JARID2: variants seen among roughly 807,000 people sequenced by gnomAD.
JARID2 encodes the protein jumonji and AT-rich interaction domain containing 2.
Under a neutral mutation model 125.6 loss-of-function variants are expected in JARID2, and 21 were observed. That is an observed-to-expected ratio of 0.17 (90% CI 0.12 to 0.24). JARID2 has a LOEUF of 0.24. JARID2 is among the 10% of genes least tolerant of loss of function. The pLI is 1.00. For synonymous variants in JARID2, 736 were observed against 661.6 expected, an observed-to-expected ratio of 1.11 and a Z score of -1.73; for missense variants, 1,303 against 1,639.6, an observed-to-expected ratio of 0.79 and a Z score of 3.55.
At chr6:15,339,592 A>G (rs189413568) in intron 1 of JARID2, among the ~76,000 whole-genome samples, 27 of 146,830 alleles carry the variant, frequency 1.8e-4, no homozygotes, top group East Asian at 1.7e-3. Flanking sequence ...CCGGAGTGCA[A>G]TGGTGCGATC....
intron 2 of JARID2, among the ~76,000 whole-genome samples, chr6:15,404,919 G>T (rs1314839826): frequency 6.6e-6 from 1 of 152,124 alleles, no homozygotes; most frequent in East Asian, 1.9e-4. Flanking sequence ...AATGAGAGAG[G>T]ACTGGTAAAA....
At chr6:15,262,494 T>A (rs926724383) in intron 1 of JARID2, among the ~76,000 whole-genome samples, 4 of 151,990 alleles carry the variant, frequency 2.6e-5, no homozygotes, top group African/African-American at 9.7e-5. Context: ...TATCCAGTCA[T>A]CAGCTGATGG....
chr6:15,320,508 T>A (rs913946700), intron 1 of JARID2, among the ~76,000 whole-genome samples: 1 of 152,192 alleles, frequency 6.6e-6, no homozygotes, highest in African/African-American at 2.4e-5. Context: ...TGATGACTGT[T>A]AATTATCAAA....
intron 6 of JARID2, among the ~76,000 whole-genome samples, chr6:15,494,590 A>G (rs1224451733): frequency 6.6e-6 from 1 of 151,634 alleles, no homozygotes; most frequent in Non-Finnish European, 1.5e-5. Context: ...TTGTATTTTT[A>G]GTAGAGACGG....
chr6:15,315,096 G>A (rs182699994), intron 1 of JARID2: 235 of 152,216 alleles, frequency 1.5e-3, no homozygotes, highest in African/African-American at 5.5e-3. Flanking sequence ...TTACCAATAT[G>A]TTTTGAATAG....
intron 1 of JARID2, among the ~76,000 whole-genome samples, chr6:15,339,473 G>T: frequency 6.6e-6 from 1 of 152,054 alleles, no homozygotes; most frequent in South Asian, 2.1e-4. Context: ...GGTATTCCCA[G>T]GGTGCACCTC....
intron 2 of JARID2, among the ~76,000 whole-genome samples, chr6:15,406,931 G>A (rs1424848902): frequency 6.6e-6 from 1 of 151,956 alleles, no homozygotes; most frequent in Non-Finnish European, 1.5e-5. Flanking sequence ...CATTTTGCAG[G>A]CAAGTGTCTT....
chr6:15,426,141 G>A (rs1766716231), intron 3 of JARID2, among the ~76,000 whole-genome samples: 1 of 152,138 alleles, frequency 6.6e-6, no homozygotes, highest in Non-Finnish European at 1.5e-5. Flanking sequence ...GGAGGGGACA[G>A]CAGCTACTTG....
chr6:15,412,112 T>C (rs1765904248), intron 3 of JARID2, among the ~76,000 whole-genome samples: 1 of 152,338 alleles, frequency 6.6e-6, no homozygotes, highest in South Asian at 2.1e-4. Context: ...TTTTTAATTA[T>C]TAATGTGTCA....
intron 1 of JARID2, among the ~76,000 whole-genome samples, chr6:15,309,902 A>G (rs1158441158): frequency 6.6e-6 from 1 of 152,150 alleles, no homozygotes; most frequent in Non-Finnish European, 1.5e-5. Flanking sequence ...TGCTCAGGAG[A>G]TAAGGCTTAT....
At position 15,463,833 on chromosome 6, in the gene JARID2, T is replaced by C. The variant is rs546302094; in HGVS notation, c.494-4709T>C. 4.6e-5 allele frequency among the ~76,000 whole-genome samples: 7 copies of C among 152,312 alleles called. No homozygotes were observed. In the East Asian group the frequency reaches 1.3e-3, roughly 29 times the overall value. ...TTCACCCATTTCATACTGAGAAATA[T>C]GCAATAGTTTTCTCCAGTGATAAAC... On this transcript the variant is annotated intron_variant, in intron 4 of 17. Coordinates refer to ENST00000341776, the MANE Select transcript of JARID2 (RefSeq NM_004973.4).
rs1581568357 is a variant in JARID2 at position 15,440,722 on chromosome 6, C to G, written c.324-11284C>G. 2.6e-5 allele frequency among the ~76,000 whole-genome samples: 4 copies of G among 152,224 alleles called. 1 individual carries two copies. The highest frequency in any genetic ancestry group is 2.6e-4 in the Admixed American group (4 of 15,284). Reference sequence around the variant, plus strand: ...CTCAGACACTGTGTCTGTAATAGCTCCGGTTTTTAAGTGGGAGAATGTGCC... The same window carrying G: ...CTCAGACACTGTGTCTGTAATAGCTGCGGTTTTTAAGTGGGAGAATGTGCC... On this transcript the variant is annotated intron_variant, in intron 3 of 17. Coordinates refer to ENST00000341776, the MANE Select transcript of JARID2 (RefSeq NM_004973.4).
At chr6:15,277,772 A>G (rs1760587230) in intron 1 of JARID2, among the ~76,000 whole-genome samples, 2 of 130,918 alleles carry the variant, frequency 1.5e-5, no homozygotes, top group South Asian at 2.9e-4. Context: ...TAGATAGCCA[A>G]GTCTGCAAAA....
intron 2 of JARID2, among the ~76,000 whole-genome samples, chr6:15,379,014 C>T (rs1425508301): frequency 6.6e-6 from 1 of 152,138 alleles, no homozygotes; most frequent in East Asian, 1.9e-4. Flanking sequence ...CAGCTTGTAT[C>T]TGAGCAGTGA....
At chr6:15,439,031 C>CAAA (rs754404770) in intron 3 of JARID2, among the ~76,000 whole-genome samples, 1,342 of 85,714 alleles carry the variant, frequency 0.016, 22 homozygotes, top group African/African-American at 0.035. Flanking sequence ...GACTCTGTCT[C>CAAA]AAAAAAAAAA....
intron 3 of JARID2, among the ~76,000 whole-genome samples, chr6:15,443,591 C>T (rs1767537508): frequency 6.6e-6 from 1 of 152,146 alleles, no homozygotes; most frequent in Non-Finnish European, 1.5e-5. Context: ...TTTAGCAATA[C>T]TGACAGTTTG....
At position 15,336,110 on chromosome 6, in the gene JARID2, TG is replaced by T. The variant is rs202154647; in HGVS notation, c.46-38006del. On this transcript the variant is annotated intron_variant, in intron 1 of 17. Coordinates refer to ENST00000341776, the MANE Select transcript of JARID2 (RefSeq NM_004973.4). ...GTGAATGAATGAATGAATGAATGAA[TG>T]AATGAATAAATAAATAAATAAAGGC... Among the ~76,000 whole-genome samples the T allele has an allele frequency of 2.0e-3, 304 of 151,958 alleles. 1 individual carries two copies. Among genetic ancestry groups the T allele is most frequent in the Admixed American group, 4.6e-3 (70 of 15,252 alleles).
rs1036363063 is a variant in JARID2 at position 15,507,009 on chromosome 6, C to T, written c.2542-127C>T. The T allele has an allele frequency of 4.8e-5, 32 of 669,086 alleles. No homozygotes were observed. The African/African-American group carries it at 5.4e-4, about 11-fold the overall frequency. The allele number at this position is 669,086 out of a possible 1,614,324, so 41.4% of individuals were successfully genotyped here. On this transcript the variant is annotated intron_variant, in intron 9 of 17. Transcript: ENST00000341776. ...TTAGCGTCCTGCTGGAGACACTCTG[C>T]AAAGAGAGCGTCTGTTCTGAGGGGT...
intron 1 of JARID2, among the ~76,000 whole-genome samples, chr6:15,307,332 C>T (rs1202403533): frequency 1.3e-5 from 2 of 152,006 alleles, no homozygotes; most frequent in Non-Finnish European, 1.5e-5. Flanking sequence ...AGGTGATTCT[C>T]CTGCCTCAGC....
Sources: allele counts gnomAD v4.1 joint callset (sites outside exome capture counted in the v4.1 genomes callset), GRCh38; gene constraint gnomAD v4.1.1; transcripts MANE v1.5; gene names NCBI Gene and HGNC (gene_info 2026-07-23, HGNC 2026-07-21).